Variants in DNAH11 observed in about 807,000 individuals in gnomAD.
DNAH11 encodes the protein dynein axonemal heavy chain 11, also known as axonemal beta dynein heavy chain 11.
A neutral mutation model predicts 526.0 loss-of-function variants in DNAH11; 442 were observed. That is an observed-to-expected ratio of 0.84 (90% CI 0.78 to 0.91). The LOEUF (loss-of-function observed/expected upper bound fraction) is 0.91. DNAH11 is among the 40% of genes least tolerant of loss of function. The pLI is 0.00. For synonymous variants in DNAH11, 2,461 were observed against 1,935.9 expected, an observed-to-expected ratio of 1.27 and a Z score of -7.12; for missense variants, 6,989 against 5,448.7, an observed-to-expected ratio of 1.28 and a Z score of -8.90.
At chr7:21,804,233 C>T (rs923943248) in intron 62 of DNAH11, among the ~76,000 whole-genome samples, 6 of 152,034 alleles carry the variant, frequency 3.9e-5, no homozygotes, top group East Asian at 1.9e-4. Context: ...CTCAGCCTCC[C>T]GAGTACCTGG....
Position 21,717,895 on chromosome 7 carries a change from C to A in DNAH11, c.7104C>A (p.Ile2368=), listed in dbSNP as rs764940440. Residue 2368 remains isoleucine, a synonymous_variant, in exon 43 of 82, where the codon ATC becomes ATA. Transcript: ENST00000409508. ...AACTGAGAACAAGCTTTAAAACCAT[C>A]ACTTCAATTCCTGAGAGTAGCCTGG... is the stretch of plus-strand genomic sequence containing the variant. ...LDKLRTSFKT[I]TSIPESSLVQ... The A allele has an allele frequency of 1.8e-5, 29 of 1,613,520 alleles. No homozygotes were observed. The highest frequency in any genetic ancestry group is 6.7e-5 in the Admixed American group (4 of 59,980).
chr7:21,882,819 A>G (rs578118873), intron 75 of DNAH11, among the ~76,000 whole-genome samples: 3 of 152,316 alleles, frequency 2.0e-5, no homozygotes, highest in African/African-American at 7.2e-5. Flanking sequence ...GGAAAGAACA[A>G]ATCCTTAGCT....
At position 21,582,183 on chromosome 7, in the gene DNAH11, A is replaced by G. The variant is rs1362354781; in HGVS notation, c.1710+162A>G. 2.0e-5 allele frequency among the ~76,000 whole-genome samples: 3 copies of G among 152,228 alleles called. No homozygotes were observed. In the East Asian group the frequency reaches 5.8e-4, roughly 29 times the overall value. Reference sequence around the variant, plus strand: ...AATAATAAACTTTGAATAGTGTACTAATGAATAATGACACTTTGGACAAGA... The same window carrying G: ...AATAATAAACTTTGAATAGTGTACTGATGAATAATGACACTTTGGACAAGA... On this transcript the variant is annotated intron_variant, in intron 9 of 81. Coordinates refer to ENST00000409508, the MANE Select transcript of DNAH11 (RefSeq NM_001277115.2).
chr7:21,675,245 C>G (rs1782826594), intron 30 of DNAH11, among the ~76,000 whole-genome samples: 1 of 152,214 alleles, frequency 6.6e-6, no homozygotes, highest in South Asian at 2.1e-4. Flanking sequence ...TCTGCAGCAT[C>G]CTTACACACC....
Position 21,630,725 on chromosome 7 carries a change from T to G in DNAH11, c.4501-5146T>G, listed in dbSNP as rs1489498228. On this transcript the variant is annotated intron_variant, in intron 25 of 81. Transcript: ENST00000409508. ...GGAGCTCCTTTATATCTTATTTGCT[T>G]CTTTTCTTTTGTTGCTTTACGATTC... 1.3e-5 allele frequency among the ~76,000 whole-genome samples: 2 copies of G among 152,232 alleles called. 1 individual carries two copies. The highest frequency in any genetic ancestry group is 3.8e-4 in the East Asian group (2 of 5,196).
At chr7:21,697,174 G>T (rs1464569955) in intron 35 of DNAH11, among the ~76,000 whole-genome samples, 2 of 152,076 alleles carry the variant, frequency 1.3e-5, no homozygotes, top group East Asian at 1.9e-4. Context: ...CTAAAATAAT[G>T]AGCTTATTTA....
chr7:21,834,869 TAACAC>T lies in DNAH11; in HGVS notation c.10692-7672_10692-7668del, dbSNP rs574318980. ...TGAGATGCTGTCCCAAAAAAACAAA[TAACAC>T]AAACAAGATCAGCAAACCTCTACTT... On this transcript the variant is annotated intron_variant, in intron 65 of 81. Coordinates refer to ENST00000409508, the MANE Select transcript of DNAH11 (RefSeq NM_001277115.2). Among the ~76,000 whole-genome samples the T allele has an allele frequency of 1.4e-3, 218 of 151,740 alleles. 1 individual carries two copies. Among genetic ancestry groups the T allele is most frequent in the African/African-American group, 5.1e-3 (210 of 41,392 alleles).
At chr7:21,831,055 G>A (rs1350196141) in intron 65 of DNAH11, among the ~76,000 whole-genome samples, 4 of 152,202 alleles carry the variant, frequency 2.6e-5, no homozygotes, top group Non-Finnish European at 2.9e-5. Context: ...TTGACTCTCC[G>A]TGTGATGCAG....
intron 2 of DNAH11, among the ~76,000 whole-genome samples, chr7:21,549,093 G>A (rs1583472213): frequency 6.6e-6 from 1 of 152,120 alleles, no homozygotes; most frequent in African/African-American, 2.4e-5. Context: ...TGGCCAGGCT[G>A]GTCTCGAACT....
chr7:21,677,985 T>C (rs2965389), intron 30 of DNAH11, among the ~76,000 whole-genome samples: 77,616 of 151,974 alleles, frequency 0.51, 20,182 homozygotes, highest in African/African-American at 0.57. Flanking sequence ...TTATCAGATA[T>C]ATTGTTTGTA....
intron 34 of DNAH11, among the ~76,000 whole-genome samples, chr7:21,689,375 C>G (rs1783516363): frequency 6.6e-6 from 1 of 152,234 alleles, no homozygotes; most frequent in Non-Finnish European, 1.5e-5. Context: ...GGTCTGCTCT[C>G]TTCATCTTAT....
intron 30 of DNAH11, among the ~76,000 whole-genome samples, chr7:21,680,067 T>C (rs975440841): frequency 5.3e-5 from 8 of 152,204 alleles, no homozygotes; most frequent in Admixed American, 5.2e-4. Flanking sequence ...TCATGGAAAT[T>C]GCACATGTTA....
intron 6 of DNAH11, among the ~76,000 whole-genome samples, chr7:21,565,718 C>A (rs570459987): frequency 1.3e-5 from 2 of 152,312 alleles, no homozygotes; most frequent in Non-Finnish European, 2.9e-5. Context: ...AATGCCTAGT[C>A]CATGGCTATT....
chr7:21,702,533 C>T lies in DNAH11; in HGVS notation c.6181-177C>T, dbSNP rs2072218. On this transcript the variant is annotated intron_variant, in intron 36 of 81. Coordinates refer to ENST00000409508, the MANE Select transcript of DNAH11 (RefSeq NM_001277115.2). ...AAAAAAAAAGGTGAAAGAAACAGGA[C>T]GACACTACAGGGACATGATTTTCAC... 0.027 allele frequency among the ~76,000 whole-genome samples: 4,017 copies of T among 151,544 alleles called. 211 individuals are homozygous for T. The highest frequency in any genetic ancestry group is 0.21 in the East Asian group (1,062 of 5,168).
intron 63 of DNAH11, among the ~76,000 whole-genome samples, chr7:21,811,233 C>T (rs1264155828): frequency 2.6e-5 from 4 of 151,980 alleles, no homozygotes; most frequent in Non-Finnish European, 5.9e-5. Flanking sequence ...GAGGCCATGG[C>T]GGGCAGATCA....
At chr7:21,669,657 TTGTGTG>T (rs58030631) in intron 30 of DNAH11, among the ~76,000 whole-genome samples, 3 of 149,844 alleles carry the variant, frequency 2.0e-5, no homozygotes, top group Non-Finnish European at 4.5e-5. Flanking sequence ...GTTTTTCTTT[TTGTGTG>T]TGTGTGTGTG....
intron 65 of DNAH11, among the ~76,000 whole-genome samples, chr7:21,835,640 A>G (rs930151894): frequency 6.6e-6 from 1 of 152,180 alleles, no homozygotes; most frequent in African/African-American, 2.4e-5. Flanking sequence ...ATATATGACA[A>G]ACCCACAGCT....
chr7:21,804,058 T>C (rs1045889374), intron 62 of DNAH11, among the ~76,000 whole-genome samples: 1 of 151,540 alleles, frequency 6.6e-6, no homozygotes, highest in Non-Finnish European at 1.5e-5. Context: ...GGCTAGGTGA[T>C]AGCCTCATTT....
rs73682656 is a variant in DNAH11 at position 21,635,968 on chromosome 7, T to G, written c.4598T>G (p.Ile1533Ser). The G allele has an allele frequency of 1.0e-3, 1,650 of 1,613,720 alleles. 15 individuals are homozygous for G. In the African/African-American group the frequency reaches 0.02, roughly 20 times the overall value. ...QNKLNIADLV[I>S]FTWMEVQRTW... ...AAATTAAACATAGCAGACTTGGTCA[T>G]CTTCACTTGGATGGAAGTCCAGCGA... The change falls in exon 26 of 82, where the codon ATC becomes AGC. Residue 1533 changes from isoleucine to serine, a missense_variant. Coordinates refer to ENST00000409508, the MANE Select transcript of DNAH11 (RefSeq NM_001277115.2).
Sources: allele counts gnomAD v4.1 joint callset (sites outside exome capture counted in the v4.1 genomes callset), GRCh38; gene constraint gnomAD v4.1.1; transcripts MANE v1.5; gene names NCBI Gene and HGNC (gene_info 2026-07-23, HGNC 2026-07-21).